Variants in KLHDC1 observed in about 807,000 individuals in gnomAD.
KLHDC1 encodes the protein kelch domain containing 1, also known as kelch domain-containing protein 1.
KLHDC1 carries 53 observed loss-of-function variants against 68.3 expected under a neutral mutation model. The observed-to-expected ratio is 0.78, with a 90% confidence interval of 0.62 to 0.98. KLHDC1 has a LOEUF of 0.98. Among genes scored for constraint, KLHDC1 ranks in the 50% least tolerant of loss-of-function variants. The pLI is 0.00. For missense variants in KLHDC1, 470 were observed against 492.3 expected, an observed-to-expected ratio of 0.95 and a Z score of 0.43; for synonymous variants, 148 against 159.0, an observed-to-expected ratio of 0.93 and a Z score of 0.52.
At chr14:49,696,184 CTT>C (rs775054220) in intron 1 of KLHDC1, among the ~76,000 whole-genome samples, 19 of 142,184 alleles carry the variant, frequency 1.3e-4, no homozygotes, top group Admixed American at 1.4e-4. Flanking sequence ...TCACCTTGCA[CTT>C]TTTTTTTTTT....
chr14:49,727,451 C>T (rs1888699980), intron 6 of KLHDC1, among the ~76,000 whole-genome samples: 1 of 152,102 alleles, frequency 6.6e-6, no homozygotes, highest in South Asian at 2.1e-4. Context: ...CGTATATGCA[C>T]AGTTACATAC....
intron 8 of KLHDC1, among the ~76,000 whole-genome samples, chr14:49,730,079 A>G (rs868769937): frequency 5.9e-5 from 9 of 152,220 alleles, no homozygotes; most frequent in African/African-American, 2.2e-4. Context: ...TGTAAAGATG[A>G]TATGAACTCA....
chr14:49,733,494 CT>C lies in KLHDC1; in HGVS notation c.823+679del, dbSNP rs1257907890. On this transcript the variant is annotated intron_variant, in intron 9 of 12. Transcript: ENST00000359332. ...CTGGGCTGGAGTGGGATGGTGCAAT[CT>C]CGGCTCACTGCAACCTCCACCTCCC... 2.7e-5 allele frequency among the ~76,000 whole-genome samples: 4 copies of C among 147,356 alleles called. No individual in the cohort carries two copies. In the East Asian group the frequency reaches 6.0e-4, roughly 22 times the overall value.
At chr14:49,731,298 C>A (rs1162304936) in intron 8 of KLHDC1, among the ~76,000 whole-genome samples, 4 of 151,948 alleles carry the variant, frequency 2.6e-5, no homozygotes, top group South Asian at 2.1e-4. Context: ...AAAAAAGTTT[C>A]TTATAAACAA....
At chr14:49,732,897 T>C in intron 9 of KLHDC1, 81 bp downstream of exon 9, 2 of 725,610 alleles carry the variant, frequency 2.8e-6, no homozygotes, top group Non-Finnish European at 2.3e-6. Flanking sequence ...GTGAAGTAAA[T>C]CTTCCTTTTT....
intron 1 of KLHDC1, among the ~76,000 whole-genome samples, chr14:49,693,748 C>CTTT (rs1231129663): frequency 0.012 from 740 of 61,556 alleles, 224 homozygotes; most frequent in East Asian, 0.038. Flanking sequence ...TTTTCTTTTT[C>CTTT]TTTTTTTTTT....
chr14:49,713,171 G>A (rs950297256), intron 4 of KLHDC1, among the ~76,000 whole-genome samples: 2 of 149,052 alleles, frequency 1.3e-5, no homozygotes, highest in Admixed American at 1.3e-4. Flanking sequence ...AGCCAGGGTG[G>A]TCTCGATCTC....
chr14:49,705,365 C>CTTTTTTTTTTTTTTTTTTTTTTTTTT (rs59444333), intron 1 of KLHDC1, among the ~76,000 whole-genome samples: 3 of 71,670 alleles, frequency 4.2e-5, no homozygotes, highest in Non-Finnish European at 7.2e-5. Flanking sequence ...TTCTTTCTTT[C>CTTTTTTTTTTTTTTTTTTTTTTTTTT]TTTTTTTTTT....
intron 4 of KLHDC1, among the ~76,000 whole-genome samples, chr14:49,721,442 C>T (rs907512590): frequency 4.6e-5 from 7 of 152,048 alleles, no homozygotes; most frequent in Non-Finnish European, 1.0e-4. Flanking sequence ...CTCAGCCTCC[C>T]TGTAGTTTTT....
intron 4 of KLHDC1, among the ~76,000 whole-genome samples, chr14:49,716,082 A>C (rs1350883463): frequency 4.6e-5 from 7 of 151,976 alleles, no homozygotes; most frequent in Non-Finnish European, 1.0e-4. Context: ...ATTTTTTGTC[A>C]TTTTGGTTTG....
At chr14:49,716,419 T>C (rs1021857622) in intron 4 of KLHDC1, among the ~76,000 whole-genome samples, 6 of 151,968 alleles carry the variant, frequency 3.9e-5, no homozygotes, top group Non-Finnish European at 8.8e-5. Flanking sequence ...GTCTCACTCT[T>C]GTTGCCCAGG....
chr14:49,730,691 G>A (rs922310283), intron 8 of KLHDC1, among the ~76,000 whole-genome samples: 2 of 152,116 alleles, frequency 1.3e-5, no homozygotes, highest in Admixed American at 6.6e-5. Flanking sequence ...GTTCAACCTA[G>A]GCTGGGTGCA....
At chr14:49,748,941 C>G (rs1334941690) in intron 12 of KLHDC1, among the ~76,000 whole-genome samples, 1 of 151,838 alleles carries the variant, frequency 6.6e-6, no homozygotes, top group East Asian at 1.9e-4. Context: ...GCTGAGATTA[C>G]AGGCACGCAC....
chr14:49,751,556 A>T, intron 12 of KLHDC1, 30 bp from the exon 13 acceptor site: 1 of 1,141,304 alleles, frequency 8.8e-7, no homozygotes. Flanking sequence ...CAGGTTCAAG[A>T]CTAATAATTC....
chr14:49,695,429 T>A (rs1471150110), intron 1 of KLHDC1, among the ~76,000 whole-genome samples: 2 of 152,132 alleles, frequency 1.3e-5, no homozygotes, highest in Non-Finnish European at 2.9e-5. Context: ...AGCTCTTGGG[T>A]GACTAGGTGT....
chr14:49,730,996 C>T (rs941649396), intron 8 of KLHDC1, among the ~76,000 whole-genome samples: 1 of 148,978 alleles, frequency 6.7e-6, no homozygotes, highest in African/African-American at 2.5e-5. Context: ...AAAAATAAAA[C>T]CAGGCAGGTG....
At chr14:49,733,948 A>G (rs972059227) in intron 9 of KLHDC1, among the ~76,000 whole-genome samples, 3 of 152,226 alleles carry the variant, frequency 2.0e-5, no homozygotes, top group Non-Finnish European at 2.9e-5. Context: ...ATTCTTGCAC[A>G]TTATTATACT....
At position 49,752,400 on chromosome 14, in the gene KLHDC1, C is replaced by T. The variant is rs1357564105; in HGVS notation, c.*628C>T. 1.3e-5 allele frequency: 2 copies of T among 152,448 alleles called. No individual in the cohort carries two copies. Among genetic ancestry groups the T allele is most frequent in the African/African-American group, 4.8e-5 (2 of 41,424 alleles). 9.4% of individuals were successfully genotyped at this position (152,448 alleles called of 1,614,324 possible). ...AATGTCTTCAGTTGTCTCTCCATTA[C>T]CCCTAAGTTATTAGTTTGTCTAGTT... On this transcript the variant is annotated 3_prime_UTR_variant, in exon 13 of 13. Coordinates refer to ENST00000359332, the MANE Select transcript of KLHDC1 (RefSeq NM_172193.3).
intron 8 of KLHDC1, among the ~76,000 whole-genome samples, chr14:49,729,756 TA>T (rs1888757717): frequency 6.6e-6 from 1 of 152,226 alleles, no homozygotes; most frequent in Admixed American, 6.5e-5. Context: ...GAAATTAGAT[TA>T]TATAAAAGTA....
Sources: gnomAD v4.1 joint callset for allele counts (sites outside exome capture counted in the v4.1 genomes callset) on GRCh38, gnomAD v4.1.1 for gene constraint, MANE v1.5 for transcripts, NCBI Gene and HGNC (gene_info 2026-07-23, HGNC 2026-07-21) for gene names.